BCAS3: variants seen among roughly 807,000 people sequenced by gnomAD.
The protein encoded by BCAS3 is BCAS3 microtubule associated cell migration factor, also known as BCAS4/BCAS3 fusion.
BCAS3 carries 53 observed loss-of-function variants against 116.1 expected under a neutral mutation model. The observed-to-expected ratio is 0.46, with a 90% confidence interval of 0.37 to 0.57. The LOEUF (loss-of-function observed/expected upper bound fraction) is 0.57, where lower values mean the gene tolerates loss of function less well. Ranked by LOEUF, BCAS3 falls within the 20% of genes least tolerant of loss-of-function variation. The pLI is 0.00. For synonymous variants in BCAS3, 391 were observed against 408.2 expected (o/e 0.96, Z 0.51); for missense variants, 917 against 1,165.4 (o/e 0.79, Z 3.10).
intron 5 of BCAS3, among the ~76,000 whole-genome samples, chr17:60,723,718 T>TC (rs1568104322): frequency 8.0e-6 from 1 of 125,782 alleles, no homozygotes; most frequent in African/African-American, 3.4e-5. Context: ...TTTCTTTTTT[T>TC]TTTTTTTTTT....
At chr17:60,965,585 A>ATT (rs1301434303) in intron 14 of BCAS3, among the ~76,000 whole-genome samples, 4 of 152,052 alleles carry the variant, frequency 2.6e-5, no homozygotes, top group African/African-American at 9.7e-5. Context: ...TTCTTTCTTA[A>ATT]TTAATTTCTT....
intron 4 of BCAS3, among the ~76,000 whole-genome samples, chr17:60,707,165 G>A (rs2143988680): frequency 6.6e-6 from 1 of 151,902 alleles, no homozygotes; most frequent in Middle Eastern, 3.4e-3. Context: ...GGCTAATTTT[G>A]TATTCTCAGT....
At chr17:60,975,159 G>A (rs2062245760) in intron 14 of BCAS3, among the ~76,000 whole-genome samples, 2 of 151,334 alleles carry the variant, frequency 1.3e-5, no homozygotes, top group South Asian at 2.1e-4. Flanking sequence ...CCGCCACCGC[G>A]CCCGGCTAAT....
rs1186866345 is a variant in BCAS3, at chr17:61,088,053, A to G, written c.2425+3489A>G. Among the ~76,000 whole-genome samples, 1 of 152,096 alleles carries G rather than the reference A, an allele frequency of 6.6e-6. No individual in the cohort carries two copies. The highest frequency in any genetic ancestry group is 6.5e-5 in the Admixed American group (1 of 15,270). On this transcript the variant is annotated intron_variant, in intron 22 of 23. Coordinates refer to ENST00000407086, the MANE Select transcript of BCAS3 (RefSeq NM_017679.5). This position sits in a 1 kb window ranked among gnomAD's most constrained non-coding sequence, Gnocchi z 4.2. ...AAAAATTAGCTGGGCATGGTTTCAC[A>G]TGGCTGTAATCCCAGCTACTCAGGA...
intron 7 of BCAS3, among the ~76,000 whole-genome samples, chr17:60,850,255 A>G (rs2052962491): frequency 6.6e-6 from 1 of 151,024 alleles, no homozygotes; most frequent in Non-Finnish European, 1.5e-5. Context: ...CCACTATTAC[A>G]GTATCATAAA....
At chr17:61,237,291 T>A (rs1412156143) in intron 22 of BCAS3, among the ~76,000 whole-genome samples, 3 of 152,054 alleles carry the variant, frequency 2.0e-5, no homozygotes, top group Non-Finnish European at 4.4e-5. Context: ...AGCACACCAA[T>A]CAGTGCTCTG....
rs28712769 is a variant in BCAS3, at chr17:61,217,491, G to A, written c.2425+132927G>A. 0.025 allele frequency among the ~76,000 whole-genome samples: 3,854 copies of A among 152,160 alleles called. 152 individuals carry two copies. The highest frequency in any genetic ancestry group is 0.087 in the African/African-American group (3,603 of 41,500). On this transcript the variant is annotated intron_variant, in intron 22 of 23. Coordinates refer to ENST00000407086, the MANE Select transcript of BCAS3 (RefSeq NM_017679.5). The surrounding 1 kb of genome is among the most constrained non-coding windows in gnomAD (Gnocchi z 5.2). Reference sequence around the variant, plus strand: ...GCTTAGTTTGGCTTGCCCCAGTAATGTAAATTATAGGAAATCTTTCTTGAA... The same window carrying A: ...GCTTAGTTTGGCTTGCCCCAGTAATATAAATTATAGGAAATCTTTCTTGAA...
intron 6 of BCAS3, among the ~76,000 whole-genome samples, chr17:60,795,322 G>A (rs368743302): frequency 3.5e-4 from 54 of 152,220 alleles, no homozygotes; most frequent in African/African-American, 1.3e-3. Context: ...TTCTGTAGGA[G>A]TCATTAGGGT....
chr17:61,016,787 A>G (rs2065486661), intron 16 of BCAS3, among the ~76,000 whole-genome samples: 1 of 152,222 alleles, frequency 6.6e-6, no homozygotes, highest in South Asian at 2.1e-4. Flanking sequence ...TGAAAGGAAT[A>G]TATTATTTGG....
intron 22 of BCAS3, among the ~76,000 whole-genome samples, chr17:61,109,767 A>T (rs2074934314): frequency 1.3e-5 from 2 of 151,922 alleles, no homozygotes; most frequent in Admixed American, 6.6e-5. Context: ...CACATCCTTA[A>T]CCCACTTTTT....
At chr17:60,907,532 G>A (rs1191270231) in intron 11 of BCAS3, among the ~76,000 whole-genome samples, 3 of 152,164 alleles carry the variant, frequency 2.0e-5, no homozygotes, top group Non-Finnish European at 4.4e-5. Context: ...GCTTGCAGCA[G>A]AACAGAATAA....
At chr17:60,864,800 C>T (rs1327552764) in intron 7 of BCAS3, among the ~76,000 whole-genome samples, 1 of 152,098 alleles carries the variant, frequency 6.6e-6, no homozygotes, top group African/African-American at 2.4e-5. Flanking sequence ...GAGAGATATG[C>T]AACTCTTTAT....
chr17:61,166,399 T>C (rs2078504112), intron 22 of BCAS3, among the ~76,000 whole-genome samples: 2 of 141,666 alleles, frequency 1.4e-5, no homozygotes, highest in Admixed American at 1.4e-4. Context: ...CTCTTTTTTT[T>C]TTTTTTTTTT....
intron 13 of BCAS3, among the ~76,000 whole-genome samples, chr17:60,937,677 T>C (rs1314476831): frequency 6.6e-6 from 1 of 152,236 alleles, no homozygotes; most frequent in Non-Finnish European, 1.5e-5. Context: ...ATCTGCTTGA[T>C]ACAGATTGTT....
intron 10 of BCAS3, among the ~76,000 whole-genome samples, chr17:60,901,965 G>C (rs996651568): frequency 6.6e-6 from 1 of 152,204 alleles, no homozygotes; most frequent in Non-Finnish European, 1.5e-5. Flanking sequence ...CGTAGCATGT[G>C]AAATAATCAT....
intron 5 of BCAS3, among the ~76,000 whole-genome samples, chr17:60,723,119 G>A (rs2039428592): frequency 6.6e-6 from 1 of 152,068 alleles, no homozygotes; most frequent in African/African-American, 2.4e-5. Context: ...AGGTATTCCT[G>A]TTACTCATTG....
At chr17:61,089,514 T>G (rs1188754441) in intron 22 of BCAS3, among the ~76,000 whole-genome samples, 1 of 58,524 alleles carries the variant, frequency 1.7e-5, no homozygotes, top group East Asian at 3.7e-4. Context: ...TCACTCTTTT[T>G]TTTTTTTTTT....
intron 22 of BCAS3, among the ~76,000 whole-genome samples, chr17:61,338,087 G>A (rs2056863610): frequency 6.6e-6 from 1 of 152,134 alleles, no homozygotes; most frequent in Non-Finnish European, 1.5e-5. Context: ...GTTATGTTAG[G>A]TGCCCCATAA....
chr17:61,322,800 G>GAC (rs2055342713), intron 22 of BCAS3, among the ~76,000 whole-genome samples: 4 of 114,416 alleles, frequency 3.5e-5, no homozygotes, highest in African/African-American at 1.5e-4. Flanking sequence ...GAGACAGAGA[G>GAC]AGAGAGAGAG....
Sources: gnomAD v4.1 joint callset for allele counts (sites outside exome capture counted in the v4.1 genomes callset) on GRCh38, gnomAD v4.1.1 for gene constraint, Gnocchi (gnomAD v3.1) non-coding constraint, MANE v1.5 for transcripts, NCBI Gene and HGNC (gene_info 2026-07-23, HGNC 2026-07-21) for gene names.